SORT1: variants seen among roughly 807,000 people sequenced by gnomAD.
The protein encoded by SORT1 is sortilin 1, also known as sortilin.
Under a neutral mutation model 101.7 loss-of-function variants are expected in SORT1, and 39 were observed. The ratio of observed to expected loss-of-function variants is 0.38; its 90% confidence interval spans 0.30 to 0.50. The LOEUF is 0.50. Among genes scored for constraint, SORT1 ranks in the 20% least tolerant of loss-of-function variants. The pLI is 0.90. For missense variants in SORT1, 878 were observed against 1,040.4 expected (o/e 0.84, Z 2.15); for synonymous variants, 396 against 393.7 (o/e 1.01, Z -0.07).
At chr1:109,315,584 G>A (rs1658981660) in intron 17 of SORT1, among the ~76,000 whole-genome samples, 1 of 152,090 alleles carries the variant, frequency 6.6e-6, no homozygotes, top group Admixed American at 6.5e-5. Context: ...GACTGCAGGT[G>A]ATCCAGCTTG....
chr1:109,344,247 G>A (rs1024097711), intron 8 of SORT1, among the ~76,000 whole-genome samples: 3 of 152,054 alleles, frequency 2.0e-5, no homozygotes, highest in Non-Finnish European at 4.4e-5. Flanking sequence ...CTGCTTCTGC[G>A]CGTGCCCCTG....
rs768651616 is a variant in SORT1, at chr1:109,324,971, A to G, written c.1762T>C (p.Phe588Leu). 1 of 1,613,950 alleles carries G rather than the reference A, an allele frequency of 6.2e-7. No individual in the cohort carries two copies. Residue 588 changes from phenylalanine to leucine, a missense_variant, in exon 14 of 20, where the codon TTC becomes CTC. Around this residue, in one of 2 missense-constraint regions of SORT1, gnomAD observed 684 missense variants for 894.5 expected, o/e 0.76. Coordinates refer to ENST00000256637, the MANE Select transcript of SORT1 (RefSeq NM_002959.7). ...TGGCTGGTCAGGAAAGATTCTGTGAAGCCCCAAATGCTGATATTCATGGAC... is the reference window on the plus strand; with the variant it reads ...TGGCTGGTCAGGAAAGATTCTGTGAGGCCCCAAATGCTGATATTCATGGAC... ...ARSMNISIWG[F>L]TESFLTSQWV...
chr1:109,369,862 C>G (rs1046069645), intron 1 of SORT1, among the ~76,000 whole-genome samples: 4 of 152,110 alleles, frequency 2.6e-5, no homozygotes, highest in Non-Finnish European at 4.4e-5. Context: ...GGAGATGGGA[C>G]AATCTAATTG....
intron 4 of SORT1, 46 bp from the exon 5 acceptor site, chr1:109,354,577 T>C (rs1400717929): frequency 3.4e-6 from 5 of 1,450,950 alleles, no homozygotes; most frequent in Non-Finnish European, 4.7e-6. Context: ...ATACTATCTA[T>C]GCAAGCACAG....
At chr1:109,324,796 A>G (rs936374125) in intron 14 of SORT1, 103 bp downstream of exon 14, 8 of 733,730 alleles carry the variant, frequency 1.1e-5, no homozygotes, top group Non-Finnish European at 1.8e-5. Context: ...TTTCATATGC[A>G]TATGCATCTG....
chr1:109,369,427 A>T lies in SORT1; in HGVS notation c.366+103T>A, dbSNP rs1651332754. On this transcript the variant is annotated intron_variant, in intron 2 of 19. Transcript: ENST00000256637. ...ACATGTGTTTTCTGTGATTGAGGCTAAAGACAGTTTCAGGAAGAAATGATA... is the reference window on the plus strand; with the variant it reads ...ACATGTGTTTTCTGTGATTGAGGCTTAAGACAGTTTCAGGAAGAAATGATA... The T allele has an allele frequency of 1.6e-5, 12 of 770,116 alleles. No individual in the cohort carries two copies. In the Admixed American group the frequency reaches 2.3e-4, roughly 15 times the overall value. 47.7% of individuals were successfully genotyped at this position (770,116 alleles called of 1,614,324 possible).
intron 15 of SORT1, among the ~76,000 whole-genome samples, chr1:109,321,910 A>G (rs1647659480): frequency 6.6e-6 from 1 of 152,134 alleles, no homozygotes; most frequent in South Asian, 2.1e-4. Context: ...CTAATCCTTA[A>G]GTCTGGATGG....
intron 3 of SORT1, among the ~76,000 whole-genome samples, chr1:109,365,763 T>C (rs979095143): frequency 6.6e-6 from 1 of 152,234 alleles, no homozygotes; most frequent in African/African-American, 2.4e-5. Flanking sequence ...ATTTACACTG[T>C]AGTTAGATGG....
intron 3 of SORT1, among the ~76,000 whole-genome samples, chr1:109,358,309 A>G (rs1003984189): frequency 1.3e-5 from 2 of 152,154 alleles, no homozygotes; most frequent in Non-Finnish European, 2.9e-5. Context: ...ATCAGCATAC[A>G]TATCATGAAG....
At chr1:109,374,234 T>TA (rs1453807228) in intron 1 of SORT1, among the ~76,000 whole-genome samples, 1 of 152,002 alleles carries the variant, frequency 6.6e-6, no homozygotes, top group Non-Finnish European at 1.5e-5. Context: ...CACAAGAAAT[T>TA]AGAGAATGGA....
rs368734568 is a variant in SORT1 at position 109,367,231 on chromosome 1, AAACAACAAC to A, written c.440+168_440+176del. ...GACAAGAGTGAGACCCTGTCTCAAAAAACAACAACAACAACAACAACAAAAACATGTGCT... is the reference window on the plus strand; with the variant it reads ...GACAAGAGTGAGACCCTGTCTCAAAAAACAACAACAACAAAAACATGTGCT... On this transcript the variant is annotated intron_variant, in intron 3 of 19. Coordinates refer to ENST00000256637, the MANE Select transcript of SORT1 (RefSeq NM_002959.7). 4.7e-5 allele frequency: 24 copies of A among 510,852 alleles called. No individual in the cohort carries two copies. In the Admixed American group the frequency reaches 4.9e-4, roughly 10 times the overall value. 31.6% of individuals were successfully genotyped at this position (510,852 alleles called of 1,614,324 possible).
chr1:109,367,854 G>A (rs575405492), intron 2 of SORT1, among the ~76,000 whole-genome samples: 1 of 152,308 alleles, frequency 6.6e-6, no homozygotes, highest in Non-Finnish European at 1.5e-5. Flanking sequence ...ACTGTGTCAT[G>A]TATGTCTGTC....
chr1:109,325,362 C>T (rs1647933277), intron 13 of SORT1, among the ~76,000 whole-genome samples: 1 of 150,946 alleles, frequency 6.6e-6, no homozygotes, highest in Admixed American at 6.7e-5. Context: ...ATGCCTCAGC[C>T]TCCTGAGTAG....
chr1:109,324,648 A>C (rs1191030970), intron 14 of SORT1, among the ~76,000 whole-genome samples: 11 of 152,182 alleles, frequency 7.2e-5, no homozygotes. Context: ...TTACTTTTAT[A>C]ATATAGCTGA....
At chr1:109,317,447 G>C (rs774359500) in intron 16 of SORT1, among the ~76,000 whole-genome samples, 10 of 152,222 alleles carry the variant, frequency 6.6e-5, no homozygotes, top group Non-Finnish European at 8.8e-5. Flanking sequence ...CATCACCAAA[G>C]AAAGTCCTAT....
intron 11 of SORT1, among the ~76,000 whole-genome samples, chr1:109,333,015 C>A (rs1041451739): frequency 3.1e-4 from 47 of 152,254 alleles, no homozygotes; most frequent in African/African-American, 1.1e-3. Context: ...GCAACCTCCG[C>A]CTCCCAGGTT....
At chr1:109,317,588 G>A (rs889756807) in intron 16 of SORT1, among the ~76,000 whole-genome samples, 6 of 152,166 alleles carry the variant, frequency 3.9e-5, no homozygotes, top group Non-Finnish European at 8.8e-5. Context: ...GTGGTTGGGC[G>A]GGAGGCAGGG....
chr1:109,358,497 C>G (rs146027376), intron 3 of SORT1, among the ~76,000 whole-genome samples: 1,778 of 152,240 alleles, frequency 0.012, 15 homozygotes, highest in Non-Finnish European at 0.019. Flanking sequence ...TAATTAATAG[C>G]GTTATGAACA....
Position 109,345,748 on chromosome 1 carries a change from T to C in SORT1, c.963+3A>G, listed in dbSNP as rs1557799086. On this transcript the variant is annotated splice_donor_region_variant and intron_variant, in intron 8 of 19. Coordinates refer to ENST00000256637, the MANE Select transcript of SORT1 (RefSeq NM_002959.7). ...ACCCCAAAGGGGAGAGGGCAATACC[T>C]ACCTTATCAGCCATCACAGAGGCAA... is the stretch of plus-strand genomic sequence containing the variant. 6 of 1,612,746 alleles carry C rather than the reference T, an allele frequency of 3.7e-6. No individual in the cohort carries two copies. The highest frequency in any genetic ancestry group is 1.1e-5 in the South Asian group (1 of 90,808).
Sources: gnomAD v4.1 joint callset for allele counts (sites outside exome capture counted in the v4.1 genomes callset) on GRCh38, gnomAD v4.1.1 for gene constraint, gnomAD v4.1.1 regional missense constraint, MANE v1.5 for transcripts, NCBI Gene and HGNC (gene_info 2026-07-23, HGNC 2026-07-21) for gene names.